CACNB2: variants seen among roughly 807,000 people sequenced by gnomAD.
CACNB2 encodes calcium voltage-gated channel auxiliary subunit beta 2, also known as voltage-dependent L-type calcium channel subunit beta-2.
A neutral mutation model predicts 73.3 loss-of-function variants in CACNB2; 42 were observed. The ratio of observed to expected loss-of-function variants is 0.57; its 90% confidence interval spans 0.45 to 0.74. The LOEUF is 0.74. Among genes scored for constraint, CACNB2 ranks in the 30% least tolerant of loss-of-function variants. The pLI is 0.00. For missense variants in CACNB2, 940 were observed against 853.0 expected, an observed-to-expected ratio of 1.10 and a Z score of -1.27; for synonymous variants, 348 against 310.3, an observed-to-expected ratio of 1.12 and a Z score of -1.28.
At chr10:18,454,070 G>A (rs1429768497) in intron 3 of CACNB2, among the ~76,000 whole-genome samples, 2 of 152,182 alleles carry the variant, frequency 1.3e-5, no homozygotes, top group Admixed American at 6.5e-5. Flanking sequence ...AATAATGAAT[G>A]AATGAAGACA....
intron 2 of CACNB2, among the ~76,000 whole-genome samples, chr10:18,220,232 T>C (rs2489202): frequency 8.0e-5 from 2 of 25,084 alleles, no homozygotes; most frequent in South Asian, 1.8e-3. Flanking sequence ...TATATATATA[T>C]AGAGAGAGAG....
chr10:18,202,647 A>G (rs2034932032), intron 2 of CACNB2, among the ~76,000 whole-genome samples: 1 of 152,220 alleles, frequency 6.6e-6, no homozygotes, highest in African/African-American at 2.4e-5. Flanking sequence ...TTTCTCAGTC[A>G]TTGGCCGCCC....
chr10:18,507,382 G>A (rs2050548706), intron 6 of CACNB2, among the ~76,000 whole-genome samples: 1 of 152,066 alleles, frequency 6.6e-6, no homozygotes, highest in Non-Finnish European at 1.5e-5. Context: ...CAAAGCAGTG[G>A]GTTCATCCTA....
At chr10:18,226,282 C>T (rs192041132) in intron 2 of CACNB2, among the ~76,000 whole-genome samples, 1 of 152,280 alleles carries the variant, frequency 6.6e-6, no homozygotes, top group East Asian at 1.9e-4. Context: ...TCACCTCAGC[C>T]TCCCAGAGTA....
intron 5 of CACNB2, among the ~76,000 whole-genome samples, chr10:18,504,135 G>T (rs1247371681): frequency 6.6e-6 from 1 of 152,114 alleles, no homozygotes; most frequent in South Asian, 2.1e-4. Flanking sequence ...CTCCCAAATG[G>T]GCTTGCCTAG....
At chr10:18,471,084 C>A (rs571808959) in intron 3 of CACNB2, among the ~76,000 whole-genome samples, 1 of 152,274 alleles carries the variant, frequency 6.6e-6, no homozygotes, top group East Asian at 1.9e-4. Context: ...GTGGGTGGAT[C>A]ACCTTAGGTT....
intron 2 of CACNB2, among the ~76,000 whole-genome samples, chr10:18,234,980 A>C (rs1254702963): frequency 6.6e-6 from 1 of 151,476 alleles, no homozygotes; most frequent in Non-Finnish European, 1.5e-5. Context: ...CGTCTCTACT[A>C]AAAATATAAA....
At chr10:18,317,587 A>C (rs906761694) in intron 2 of CACNB2, among the ~76,000 whole-genome samples, 9 of 152,184 alleles carry the variant, frequency 5.9e-5, no homozygotes, top group Admixed American at 1.3e-4. Context: ...ATGGCTGCAT[A>C]GTATCCTGTG....
intron 2 of CACNB2, chr10:18,341,004 A>G (rs1377995581): frequency 6.2e-7 from 1 of 1,611,840 alleles, no homozygotes; most frequent in Non-Finnish European, 8.5e-7. Context: ...GAAGCCGGCC[A>G]GATGCACGGT....
rs143627261 is a variant in CACNB2 at position 18,426,758 on chromosome 10, C to T, written c.333+24715C>T. 2.3e-3 allele frequency among the ~76,000 whole-genome samples: 353 copies of T among 152,236 alleles called. 1 individual carries two copies. The highest frequency in any genetic ancestry group is 7.8e-3 in the African/African-American group (323 of 41,544). Reference sequence around the variant, plus strand: ...AACTTTTCAATTATTTTTCATCTTACCGTACTGGCTAGACTCCTCACCGCA... The same window carrying T: ...AACTTTTCAATTATTTTTCATCTTATCGTACTGGCTAGACTCCTCACCGCA... On this transcript the variant is annotated intron_variant, in intron 3 of 13. Coordinates refer to ENST00000324631, the MANE Select transcript of CACNB2 (RefSeq NM_201596.3).
Position 18,279,950 on chromosome 10 carries a change from G to A in CACNB2, c.214-121974G>A, listed in dbSNP as rs1296935622. On this transcript the variant is annotated intron_variant, in intron 2 of 13. Transcript: ENST00000324631. The stretch of plus-strand genomic sequence containing the variant: ...CAAAATTAGATGAGCATGGTGGCAT[G>A]TGCCTGTAATCCCAGCCACCTGGGA... Among the ~76,000 whole-genome samples the A allele has an allele frequency of 2.6e-4, 40 of 152,136 alleles. 1 individual carries two copies. Among genetic ancestry groups the A allele is most frequent in the Admixed American group, 2.6e-3 (40 of 15,268 alleles).
intron 3 of CACNB2, among the ~76,000 whole-genome samples, chr10:18,406,762 AC>A (rs2044308971): frequency 6.6e-6 from 1 of 152,006 alleles, no homozygotes; most frequent in Non-Finnish European, 1.5e-5. Flanking sequence ...CCATCCCCAA[AC>A]CCCAGTCCAT....
At chr10:18,516,991 G>A (rs1589635915) in intron 7 of CACNB2, among the ~76,000 whole-genome samples, 1 of 152,114 alleles carries the variant, frequency 6.6e-6, no homozygotes, top group Non-Finnish European at 1.5e-5. Context: ...GGAAGCTTTT[G>A]AATTTGAAAT....
chr10:18,365,499 T>C (rs927067605), intron 2 of CACNB2, among the ~76,000 whole-genome samples: 5 of 152,316 alleles, frequency 3.3e-5, no homozygotes, highest in African/African-American at 7.2e-5. Context: ...TTTTGGGCAT[T>C]ACTGTATTTT....
At chr10:18,485,359 C>T (rs575194902) in intron 3 of CACNB2, among the ~76,000 whole-genome samples, 1 of 152,162 alleles carries the variant, frequency 6.6e-6, no homozygotes, top group Non-Finnish European at 1.5e-5. Context: ...GACCTGGTTC[C>T]TGTAAGTATA....
intron 2 of CACNB2, among the ~76,000 whole-genome samples, chr10:18,158,210 G>T (rs1291010120): frequency 2.0e-5 from 3 of 152,176 alleles, no homozygotes; most frequent in Non-Finnish European, 4.4e-5. Context: ...CACTCCTGTT[G>T]TGAATCTGGG....
intron 3 of CACNB2, among the ~76,000 whole-genome samples, chr10:18,474,587 C>T (rs868840096): frequency 5.3e-5 from 8 of 152,142 alleles, no homozygotes; most frequent in African/African-American, 2.4e-5. Flanking sequence ...TAACAGCGCA[C>T]GGCTCCTGAC....
chr10:18,536,599 C>T (rs913323612), intron 12 of CACNB2, among the ~76,000 whole-genome samples: 1 of 152,078 alleles, frequency 6.6e-6, no homozygotes, highest in Non-Finnish European at 1.5e-5. Context: ...CAGTCAAACA[C>T]CTGTCAGGGA....
At chr10:18,492,057 C>T (rs181106329) in intron 3 of CACNB2, among the ~76,000 whole-genome samples, 2 of 152,056 alleles carry the variant, frequency 1.3e-5, no homozygotes, top group African/African-American at 4.8e-5. Flanking sequence ...GACTTACAGT[C>T]GTCTAGGAAG....
Sources: gnomAD v4.1 joint callset for allele counts (sites outside exome capture counted in the v4.1 genomes callset) on GRCh38, gnomAD v4.1.1 for gene constraint, MANE v1.5 for transcripts, NCBI Gene and HGNC (gene_info 2026-07-23, HGNC 2026-07-21) for gene names.